WAPL: variants seen among roughly 807,000 people sequenced by gnomAD.
The protein encoded by WAPL is WAPL cohesin release factor.
Under a neutral mutation model 121.0 loss-of-function variants are expected in WAPL, and 5 were observed. That is an observed-to-expected ratio of 0.04 (90% CI 0.02 to 0.09). WAPL has a LOEUF of 0.09. Ranked by LOEUF, WAPL falls within the 10% of genes least tolerant of loss-of-function variation. The pLI is 1.00. For missense variants in WAPL, 999 were observed against 1,410.8 expected, an observed-to-expected ratio of 0.71 and a Z score of 4.68; for synonymous variants, 480 against 481.5, an observed-to-expected ratio of 1.00 and a Z score of 0.04.
chr10:86,497,889 A>C (rs1842180057), intron 3 of WAPL, among the ~76,000 whole-genome samples: 1 of 152,210 alleles, frequency 6.6e-6, no homozygotes, highest in Admixed American at 6.5e-5. Context: ...ACAACTAACC[A>C]AAGAGTCAGT....
intron 2 of WAPL, among the ~76,000 whole-genome samples, chr10:86,506,653 G>C (rs1335013076): frequency 6.6e-6 from 1 of 152,124 alleles, no homozygotes; most frequent in African/African-American, 2.4e-5. Flanking sequence ...AGCCAGGAGT[G>C]GTGGCACGTT....
Position 86,446,073 on chromosome 10 carries a change from T to C in WAPL, c.3322+169A>G, listed in dbSNP as rs538931738. Among the ~76,000 whole-genome samples the C allele has an allele frequency of 2.0e-5, 3 of 152,322 alleles. No homozygotes were observed. The South Asian group carries it at 6.2e-4, about 32-fold the overall frequency. On this transcript the variant is annotated intron_variant, in intron 16 of 18. Coordinates refer to ENST00000298767, the MANE Select transcript of WAPL (RefSeq NM_015045.5). ...CCACTGGCACGCACCTTCCTCACTG[T>C]GGGAGAACTACCACAAGCACTTAAG... is the stretch of plus-strand genomic sequence containing the variant.
chr10:86,451,171 A>T (rs1461134917), intron 15 of WAPL, among the ~76,000 whole-genome samples: 1 of 151,288 alleles, frequency 6.6e-6, no homozygotes, highest in Non-Finnish European at 1.5e-5. Context: ...GAACTCCTGG[A>T]CTCAAGTGAT....
chr10:86,458,060 ATAAAC>A (rs1841190326), intron 12 of WAPL, among the ~76,000 whole-genome samples: 1 of 152,378 alleles, frequency 6.6e-6, no homozygotes, highest in Non-Finnish European at 1.5e-5. Flanking sequence ...TAAAAAACAG[ATAAAC>A]TAGAGTAAGA....
intron 4 of WAPL, among the ~76,000 whole-genome samples, chr10:86,492,220 G>A (rs535066594): frequency 1.3e-5 from 2 of 152,164 alleles, no homozygotes; most frequent in South Asian, 4.1e-4. Context: ...GAGACAGCTG[G>A]AAGAAGGAGA....
At chr10:86,501,221 A>C (rs572326633) in intron 2 of WAPL, among the ~76,000 whole-genome samples, 2 of 152,354 alleles carry the variant, frequency 1.3e-5, no homozygotes, top group African/African-American at 4.8e-5. Flanking sequence ...ACCTGTCCAT[A>C]GGATCAGGTT....
At chr10:86,446,607 C>A (rs748097034) in intron 15 of WAPL, among the ~76,000 whole-genome samples, 158 bp from the exon 16 acceptor site, 1 of 152,132 alleles carries the variant, frequency 6.6e-6, no homozygotes, top group Non-Finnish European at 1.5e-5. Context: ...TTGCTCTACA[C>A]CCTACTGAAA....
chr10:86,510,531 T>G (rs536851806), intron 2 of WAPL, among the ~76,000 whole-genome samples: 128 of 152,340 alleles, frequency 8.4e-4, no homozygotes, highest in African/African-American at 2.9e-3. Context: ...ATAAATTTCA[T>G]ATTTTACCCC....
At chr10:86,483,794 CTTTTTTTTT>C (rs35725128) in intron 4 of WAPL, among the ~76,000 whole-genome samples, 11 of 69,214 alleles carry the variant, frequency 1.6e-4, no homozygotes, top group Admixed American at 7.4e-4. Flanking sequence ...ATTTTTTTTT[CTTTTTTTTT>C]TTTTTTTTTT....
At chr10:86,448,165 T>A (rs1303756272) in intron 15 of WAPL, among the ~76,000 whole-genome samples, 1 of 151,928 alleles carries the variant, frequency 6.6e-6, no homozygotes, top group East Asian at 1.9e-4. Context: ...AAAAAGTGTA[T>A]CAGTAGAGGT....
intron 16 of WAPL, among the ~76,000 whole-genome samples, chr10:86,445,476 A>G (rs1308775187): frequency 1.3e-5 from 2 of 152,148 alleles, no homozygotes; most frequent in Non-Finnish European, 2.9e-5. Context: ...AAATTCTGAC[A>G]ACAGTAGATA....
intron 2 of WAPL, among the ~76,000 whole-genome samples, chr10:86,513,077 C>T (rs1405127583): frequency 6.6e-6 from 1 of 152,068 alleles, no homozygotes; most frequent in Non-Finnish European, 1.5e-5. Flanking sequence ...GATGGAGTCT[C>T]GCTCTGTTGC....
chr10:86,487,849 C>A (rs1353891627), intron 4 of WAPL, among the ~76,000 whole-genome samples: 1 of 152,046 alleles, frequency 6.6e-6, no homozygotes, highest in Non-Finnish European at 1.5e-5. Flanking sequence ...GAGCTGAGAT[C>A]GCACCACTGC....
intron 14 of WAPL, among the ~76,000 whole-genome samples, chr10:86,452,900 C>T (rs1237703167): frequency 1.3e-5 from 2 of 150,538 alleles, no homozygotes; most frequent in East Asian, 2.0e-4. Flanking sequence ...ATTAGCCAGG[C>T]GTGGTGGCAC....
At chr10:86,458,702 T>C (rs1841205751) in intron 12 of WAPL, among the ~76,000 whole-genome samples, 1 of 146,108 alleles carries the variant, frequency 6.8e-6, no homozygotes, top group South Asian at 2.4e-4. Flanking sequence ...TTTACTGTAA[T>C]AAAAATCCTA....
intron 2 of WAPL, among the ~76,000 whole-genome samples, chr10:86,506,271 T>G (rs1045872815): frequency 3.3e-5 from 5 of 151,886 alleles, no homozygotes; most frequent in African/African-American, 1.2e-4. Flanking sequence ...CAAAATACTT[T>G]GAGGGTGAGG....
At chr10:86,469,106 TAAATAAAATA>T (rs552831506) in intron 8 of WAPL, among the ~76,000 whole-genome samples, 3 of 150,958 alleles carry the variant, frequency 2.0e-5, no homozygotes, top group African/African-American at 7.3e-5. Flanking sequence ...TCTCTCAAAA[TAAATAAAATA>T]AAATAAAATA....
chr10:86,456,935 C>G (rs926909754), intron 12 of WAPL, among the ~76,000 whole-genome samples: 2 of 152,160 alleles, frequency 1.3e-5, no homozygotes, highest in Non-Finnish European at 2.9e-5. Flanking sequence ...CAATTCTGAC[C>G]TCTACTGCCA....
At chr10:86,458,887 T>C (rs1841209629) in intron 12 of WAPL, 102 bp downstream of exon 12, 2 of 895,442 alleles carry the variant, frequency 2.2e-6, no homozygotes, top group Non-Finnish European at 3.4e-6. Context: ...CAACAGAGCA[T>C]TTCATGGAGG....
Sources: gnomAD v4.1 joint callset for allele counts (sites outside exome capture counted in the v4.1 genomes callset) on GRCh38, gnomAD v4.1.1 for gene constraint, MANE v1.5 for transcripts, NCBI Gene and HGNC (gene_info 2026-07-23, HGNC 2026-07-21) for gene names.